Variants in COL26A1 observed in about 807,000 individuals in gnomAD.
The protein encoded by COL26A1 is collagen alpha-1(XXVI) chain.
A neutral mutation model predicts 59.3 loss-of-function variants in COL26A1; 41 were observed. The ratio of observed to expected loss-of-function variants is 0.69; its 90% CI spans 0.54 to 0.90. The LOEUF (loss-of-function observed/expected upper bound fraction) is 0.90, where lower values mean the gene tolerates loss of function less well. Ranked by LOEUF, COL26A1 falls within the 40% of genes least tolerant of loss-of-function variation. The pLI is 0.00. For missense variants in COL26A1, 612 were observed against 602.3 expected (o/e 1.02, Z -0.17); for synonymous variants, 266 against 256.0 (o/e 1.04, Z -0.37).
chr7:101,475,695 T>C (rs1252391683), intron 3 of COL26A1, among the ~76,000 whole-genome samples: 2 of 151,958 alleles, frequency 1.3e-5, no homozygotes, highest in African/African-American at 4.8e-5. Flanking sequence ...GTGTATTGGA[T>C]GTGCGTGGCG....
chr7:101,533,056 T>C, intron 3 of COL26A1, 26 bp from the exon 4 acceptor site: 2 of 1,576,622 alleles, frequency 1.3e-6, no homozygotes, highest in Non-Finnish European at 1.7e-6. Flanking sequence ...CACTCTGCTC[T>C]CATATAAGTT....
chr7:101,454,582 T>C (rs1339272254), intron 3 of COL26A1, among the ~76,000 whole-genome samples: 1 of 152,120 alleles, frequency 6.6e-6, no homozygotes, highest in African/African-American at 2.4e-5. Flanking sequence ...AAGGTCTGTT[T>C]AGTACCATAG....
intron 1 of COL26A1, among the ~76,000 whole-genome samples, chr7:101,382,124 C>T (rs970396214): frequency 6.6e-6 from 1 of 152,176 alleles, no homozygotes; most frequent in African/African-American, 2.4e-5. Flanking sequence ...TTATGGCTTA[C>T]TGCAGTTTCA....
chr7:101,400,584 G>T (rs1791973583), intron 1 of COL26A1, among the ~76,000 whole-genome samples: 1 of 151,402 alleles, frequency 6.6e-6, no homozygotes, highest in African/African-American at 2.4e-5. Context: ...TTGAGATGGA[G>T]TTTCGCTCTT....
chr7:101,445,363 T>G (rs745619942), intron 2 of COL26A1, among the ~76,000 whole-genome samples: 4 of 152,104 alleles, frequency 2.6e-5, no homozygotes, highest in South Asian at 4.1e-4. Context: ...TTTACAAGCA[T>G]GGTGCCGGCA....
At position 101,447,673 on chromosome 7, in the gene COL26A1, CTGTG is replaced by C; in HGVS notation, c.282-7_282-4del. On this transcript the variant is annotated splice_region_variant and splice_polypyrimidine_tract_variant and intron_variant, in intron 2 of 12. Coordinates refer to ENST00000313669, the MANE Select transcript of COL26A1 (RefSeq NM_001278563.3). ...GGAGCTCATGCCCCCCTGACGCTGT[CTGTG>C]TGTTAGTTACAGGACTCTGATCAGA... The C allele has an allele frequency of 6.4e-7, 1 of 1,558,430 alleles. No individual in the cohort carries two copies. The highest frequency in any genetic ancestry group is 1.8e-5 in the Admixed American group (1 of 54,788).
At chr7:101,513,559 G>T (rs1794969871) in intron 3 of COL26A1, among the ~76,000 whole-genome samples, 1 of 152,000 alleles carries the variant, frequency 6.6e-6, no homozygotes, top group South Asian at 2.1e-4. Context: ...TGGCCAGGCT[G>T]GTCTCAAGCT....
At chr7:101,479,599 A>G (rs1794115190) in intron 3 of COL26A1, among the ~76,000 whole-genome samples, 2 of 152,328 alleles carry the variant, frequency 1.3e-5, no homozygotes, top group Middle Eastern at 6.8e-3. Flanking sequence ...CTAGATATGT[A>G]TCAGTTTACT....
intron 5 of COL26A1, among the ~76,000 whole-genome samples, chr7:101,543,596 G>C (rs138653309): frequency 6.6e-6 from 1 of 152,018 alleles, no homozygotes; most frequent in Non-Finnish European, 1.5e-5. Flanking sequence ...GGGCCTCCTC[G>C]GAGGCCACCT....
intron 3 of COL26A1, among the ~76,000 whole-genome samples, chr7:101,501,490 C>T (rs1372412259): frequency 1.3e-5 from 2 of 152,218 alleles, no homozygotes; most frequent in African/African-American, 4.8e-5. Context: ...ATATCTTCCC[C>T]TGCTTCTTCC....
intron 1 of COL26A1, among the ~76,000 whole-genome samples, chr7:101,406,119 G>A (rs528990949): frequency 6.6e-6 from 1 of 152,282 alleles, no homozygotes; most frequent in African/African-American, 2.4e-5. Context: ...CCATGTCATC[G>A]CCTTTGTGTT....
intron 1 of COL26A1, among the ~76,000 whole-genome samples, chr7:101,385,835 G>T (rs1791561222): frequency 6.6e-6 from 1 of 151,988 alleles, no homozygotes; most frequent in African/African-American, 2.4e-5. Flanking sequence ...CTCCCAAGTA[G>T]CTGGGACTAC....
rs57833462 is a variant in COL26A1 at position 101,475,805 on chromosome 7, C to CTTCT, written c.385+28031_385+28034dup. The stretch of plus-strand genomic sequence containing the variant: ...CTTTCTTTCCTTCCTTCCTTCCTTC[C>CTTCT]TTCTTTCTTTCTTTCTCTCTCTTTC... On this transcript the variant is annotated intron_variant, in intron 3 of 12. Coordinates refer to ENST00000313669, the MANE Select transcript of COL26A1 (RefSeq NM_001278563.3). 2.6e-5 allele frequency among the ~76,000 whole-genome samples: 3 copies of CTTCT among 115,298 alleles called. No individual in the cohort carries two copies. The East Asian group carries it at 9.0e-4, about 35-fold the overall frequency. 75.6% of individuals were successfully genotyped at this position (115,298 alleles called of 152,430 possible).
intron 1 of COL26A1, among the ~76,000 whole-genome samples, chr7:101,415,162 T>G (rs1584387714): frequency 6.6e-6 from 1 of 151,824 alleles, no homozygotes; most frequent in East Asian, 1.9e-4. Context: ...CCCCCCTTTT[T>G]TTTTTTGAGA....
intron 3 of COL26A1, among the ~76,000 whole-genome samples, chr7:101,455,476 T>C (rs541670444): frequency 6.6e-6 from 1 of 151,438 alleles, no homozygotes; most frequent in Non-Finnish European, 1.5e-5. Context: ...GCACTGTACA[T>C]GCTGTTTGGT....
chr7:101,479,375 T>G (rs1794111378), intron 3 of COL26A1, among the ~76,000 whole-genome samples: 1 of 152,230 alleles, frequency 6.6e-6, no homozygotes, highest in Non-Finnish European at 1.5e-5. Flanking sequence ...GACATCGCTC[T>G]TGAATGATGG....
intron 3 of COL26A1, among the ~76,000 whole-genome samples, chr7:101,497,620 G>C (rs1475559712): frequency 6.6e-6 from 1 of 151,898 alleles, no homozygotes; most frequent in Non-Finnish European, 1.5e-5. Flanking sequence ...AGGCTGCAGT[G>C]AGCTGTCATT....
chr7:101,533,291 GT>G, intron 4 of COL26A1, 148 bp downstream of exon 4: 1 of 654,510 alleles, frequency 1.5e-6, no homozygotes. Flanking sequence ...CAGGTACTGG[GT>G]ACTGTTCAGG....
chr7:101,548,467 G>A (rs557347645), intron 8 of COL26A1, among the ~76,000 whole-genome samples: 8 of 152,258 alleles, frequency 5.3e-5, no homozygotes, highest in South Asian at 2.1e-4. Flanking sequence ...GGCCATGGGC[G>A]GTGGCTGGTT....
Sources: allele counts gnomAD v4.1 joint callset (sites outside exome capture counted in the v4.1 genomes callset), GRCh38; gene constraint gnomAD v4.1.1; transcripts MANE v1.5; gene names NCBI Gene and HGNC (gene_info 2026-07-23, HGNC 2026-07-21).